Variants in SNRPA1 observed in about 807,000 individuals in gnomAD.
SNRPA1 encodes small nuclear ribonucleoprotein polypeptide A', also known as U2 small nuclear ribonucleoprotein A'.
Under a neutral mutation model 32.3 loss-of-function variants are expected in SNRPA1, and 5 were observed. The ratio of observed to expected loss-of-function variants is 0.15; its 90% CI spans 0.08 to 0.33. SNRPA1 has a LOEUF of 0.33. Among genes scored for constraint, SNRPA1 ranks in the 10% least tolerant of loss-of-function variants. The probability of loss-of-function intolerance (pLI) is 1.00; values close to 1 mark genes in which losing one functional copy is unlikely to be tolerated. For missense variants in SNRPA1, 198 were observed against 311.1 expected (o/e 0.64, Z 2.74); for synonymous variants, 111 against 120.1 (o/e 0.92, Z 0.50).
chr15:101,292,039 G>A lies in SNRPA1; in HGVS notation c.232C>T (p.Arg78Cys), dbSNP rs745867854. The A allele has an allele frequency of 7.5e-6, 12 of 1,604,302 alleles. No individual in the cohort carries two copies. Among genetic ancestry groups the A allele is most frequent in the South Asian group, 1.1e-5 (1 of 90,732 alleles). The change falls in exon 3 of 9, where the codon CGT becomes TGT. Residue 78 changes from arginine to cysteine, a missense_variant and splice_region_variant. Coordinates refer to ENST00000254193, the MANE Select transcript of SNRPA1 (RefSeq NM_003090.4). ...TLLVNNNRIC[R>C]IGEGLDQALP... ...GCCTGATCAAGTCCCTCACCTATACGGCTAAAATAAAAATAGAGTCTTAGT... is the reference window on the plus strand; with the variant it reads ...GCCTGATCAAGTCCCTCACCTATACAGCTAAAATAAAAATAGAGTCTTAGT...
chr15:101,287,621 G>A, intron 4 of SNRPA1, 35 bp downstream of exon 4: 2 of 1,574,548 alleles, frequency 1.3e-6, no homozygotes, highest in East Asian at 4.5e-5. Context: ...TTATTTTAAA[G>A]GGCTTCATTT....
chr15:101,294,389 T>C (rs1178143016), intron 1 of SNRPA1, among the ~76,000 whole-genome samples: 1 of 152,232 alleles, frequency 6.6e-6, no homozygotes, highest in Non-Finnish European at 1.5e-5. Context: ...AGTTGCTCTA[T>C]CACGTCCCTT....
chr15:101,291,816 A>T (rs942602307), intron 3 of SNRPA1, 146 bp downstream of exon 3: 18 of 557,852 alleles, frequency 3.2e-5, no homozygotes, highest in Non-Finnish European at 4.8e-5. Flanking sequence ...ACGGCTGCAG[A>T]ACCCAAAAGG....
rs762095184 is a variant in SNRPA1 at position 101,281,746 on chromosome 15, T to C, written c.746A>G (p.Asp249Gly). 4.5e-5 allele frequency: 72 copies of C among 1,613,834 alleles called. No homozygotes were observed. Among genetic ancestry groups the C allele is most frequent in the Non-Finnish European group, 5.5e-5 (65 of 1,179,780 alleles). ...TGCTCAGGACCCGTTTGTGACTGTG[T>C]CTTCTTCCATCTCTTCTTCACCATC... Reference protein sequence around the residue: ...TDDGEEEMEEDTVTNGS With the variant: ...TDDGEEEMEEGTVTNGS The change falls in exon 9 of 9, where the codon GAC (aspartate) becomes GGC (glycine). Residue 249 changes from aspartate (D) to glycine (G), a missense_variant. This residue lies in a region of SNRPA1 where 77 missense variants were observed against 120.1 expected (regional missense o/e 0.64). Coordinates refer to ENST00000254193, the MANE Select transcript of SNRPA1 (RefSeq NM_003090.4).
chr15:101,288,976 G>T (rs2039488538), intron 3 of SNRPA1, among the ~76,000 whole-genome samples: 1 of 152,212 alleles, frequency 6.6e-6, no homozygotes, highest in African/African-American at 2.4e-5. Flanking sequence ...AGATGGTGGG[G>T]AAGGGGTGTG....
intron 3 of SNRPA1, among the ~76,000 whole-genome samples, chr15:101,290,559 A>C (rs758296996): frequency 4.0e-5 from 6 of 150,944 alleles, no homozygotes; most frequent in Non-Finnish European, 8.8e-5. Context: ...TTAAGTCACA[A>C]AATTAAGTTA....
intron 3 of SNRPA1, among the ~76,000 whole-genome samples, chr15:101,291,062 A>G (rs113652528): frequency 2.0e-5 from 3 of 151,682 alleles, no homozygotes; most frequent in African/African-American, 7.3e-5. Flanking sequence ...TTACTTATAG[A>G]GAGAGACAAG....
At chr15:101,285,660 T>C (rs1311325110) in intron 7 of SNRPA1, 66 bp downstream of exon 7, 13 of 1,041,526 alleles carry the variant, frequency 1.2e-5, no homozygotes, top group Non-Finnish European at 4.5e-6. Flanking sequence ...ACATGTTTAT[T>C]ATCCAGCTTT....
chr15:101,295,200 G>T lies in SNRPA1; in HGVS notation c.-22C>A. 1 of 1,520,718 alleles carries T rather than the reference G, an allele frequency of 6.6e-7. No individual in the cohort carries two copies. The highest frequency in any genetic ancestry group is 1.2e-5 in the South Asian group (1 of 81,336). 94.2% of individuals were successfully genotyped at this position (1,520,718 alleles called of 1,614,324 possible). A position where few individuals can be genotyped will look rare whatever the true frequency, so the allele number is the denominator to read the frequency against. The stretch of plus-strand genomic sequence containing the variant: ...CCATCCTGCAGCCTCCCGTTCCCCC[G>T]CGCTGTGGAAAGCCCGTGGCCTCCC... On this transcript the variant is annotated 5_prime_UTR_variant, in exon 1 of 9. Coordinates refer to ENST00000254193, the MANE Select transcript of SNRPA1 (RefSeq NM_003090.4).
chr15:101,289,596 T>A (rs901085168), intron 3 of SNRPA1, among the ~76,000 whole-genome samples: 3 of 151,934 alleles, frequency 2.0e-5, no homozygotes, highest in Non-Finnish European at 4.4e-5. Context: ...AGACTAAATA[T>A]AAATAATTCA....
intron 3 of SNRPA1, 66 bp from the exon 4 acceptor site, chr15:101,287,768 G>A: frequency 6.9e-7 from 1 of 1,443,374 alleles, no homozygotes; most frequent in Non-Finnish European, 9.7e-7. Context: ...CTGAAATGGA[G>A]AGTGCTTTTG....
At chr15:101,289,280 T>C (rs2039493316) in intron 3 of SNRPA1, among the ~76,000 whole-genome samples, 1 of 152,254 alleles carries the variant, frequency 6.6e-6, no homozygotes, top group Admixed American at 6.5e-5. Flanking sequence ...TGAAGGTCAC[T>C]GTACTGTATT....
At chr15:101,284,908 G>C in intron 8 of SNRPA1, 59 bp downstream of exon 8, 1 of 1,275,682 alleles carries the variant, frequency 7.8e-7, no homozygotes, top group East Asian at 2.3e-5. Context: ...CTAAATGGTT[G>C]TGAGTTACAC....
At chr15:101,294,216 G>C (rs1380992024) in intron 1 of SNRPA1, among the ~76,000 whole-genome samples, 1 of 152,212 alleles carries the variant, frequency 6.6e-6, no homozygotes, top group Non-Finnish European at 1.5e-5. Context: ...AGCTGGGGCG[G>C]AAAGAGCGAG....
intron 4 of SNRPA1, 64 bp from the exon 5 acceptor site, chr15:101,287,074 T>C: frequency 1.2e-6 from 1 of 813,786 alleles, no homozygotes. Flanking sequence ...GAGGTCTGTT[T>C]GAATAGTCTA....
rs138686666 is a variant in SNRPA1, at chr15:101,287,956, A to G, written c.310-254T>C. On this transcript the variant is annotated intron_variant, in intron 3 of 8. Coordinates refer to ENST00000254193, the MANE Select transcript of SNRPA1 (RefSeq NM_003090.4). ...AGATAAGAAATTGCTTTCCTACAGG[A>G]ATCTCAAAGTGGCTGCTGAGCCATG... The G allele has an allele frequency of 1.2e-3, 522 of 425,274 alleles. 2 individuals carry two copies. Among genetic ancestry groups the G allele is most frequent in the African/African-American group, 9.8e-3 (494 of 50,244 alleles). The allele number at this position is 425,274 out of a possible 1,614,324, so 26.3% of individuals were successfully genotyped here. A position where few individuals can be genotyped will look rare whatever the true frequency, so the allele number is the denominator to read the frequency against.
At chr15:101,283,207 G>T (rs2039416086) in intron 8 of SNRPA1, among the ~76,000 whole-genome samples, 2 of 152,156 alleles carry the variant, frequency 1.3e-5, no homozygotes, top group Admixed American at 1.3e-4. Flanking sequence ...TGCTCCATCA[G>T]TGCAAATGTT....
intron 3 of SNRPA1, among the ~76,000 whole-genome samples, chr15:101,290,419 G>A (rs1596472137): frequency 6.6e-6 from 1 of 152,268 alleles, no homozygotes; most frequent in East Asian, 1.9e-4. Flanking sequence ...AAAGGACATG[G>A]CCATGGACCA....
intron 3 of SNRPA1, among the ~76,000 whole-genome samples, chr15:101,289,061 G>GC (rs1478498362): frequency 6.6e-6 from 1 of 152,156 alleles, no homozygotes; most frequent in East Asian, 1.9e-4. Context: ...TTCTCAAAAA[G>GC]CAAGCTGCCA....
Sources: allele counts gnomAD v4.1 joint callset (sites outside exome capture counted in the v4.1 genomes callset), GRCh38; gene constraint gnomAD v4.1.1; regional missense constraint gnomAD v4.1.1; transcripts MANE v1.5; gene names NCBI Gene and HGNC (gene_info 2026-07-23, HGNC 2026-07-21).